The following COXFA4 variants were observed in gnomAD, a reference collection of about 807,000 sequenced individuals.
The protein encoded by COXFA4 is cytochrome c oxidase subunit FA4.
the COXFA4 span, chr7:10,933,817 T>C: frequency 1.4e-6 from 1 of 695,644 alleles, no homozygotes; most frequent in Non-Finnish European, 2.4e-6. Context: ...TAAAAGAATA[T>C]TTAACAACAT....
the COXFA4 span, chr7:10,938,099 A>T: frequency 6.2e-7 from 1 of 1,613,090 alleles, no homozygotes; most frequent in Non-Finnish European, 8.5e-7. Context: ...CCTTGTATTG[A>T]TCATTGGGAC....
chr7:10,938,943 A>G, the COXFA4 span: 2 of 1,410,264 alleles, frequency 1.4e-6, no homozygotes, highest in Non-Finnish European at 2.0e-6. Context: ...TACTTAAAAC[A>G]CTGGCCAACG....
the COXFA4 span, among the ~76,000 whole-genome samples, chr7:10,937,048 CAAA>C: frequency 4.0e-5 from 6 of 151,788 alleles, no homozygotes; most frequent in African/African-American, 7.3e-5. Flanking sequence ...ACAACAACAA[CAAA>C]AAAACGTTGC....
At chr7:10,938,730 G>T in the COXFA4 span, 1 of 989,872 alleles carries the variant, frequency 1.0e-6, no homozygotes, top group Non-Finnish European at 1.6e-6. Context: ...CTACCCTAAT[G>T]TTATCGCCCT....
chr7:10,937,920 ATATT>A, the COXFA4 span: 2 of 614,748 alleles, frequency 3.3e-6, no homozygotes, highest in Non-Finnish European at 2.9e-6. Flanking sequence ...CTAGCAAAAA[ATATT>A]TATTAGAGCA....
the COXFA4 span, chr7:10,938,672 T>C: frequency 2.6e-3 from 1,727 of 677,080 alleles, 7 homozygotes; most frequent in Non-Finnish European, 3.7e-3. Flanking sequence ...AAACAGCAGA[T>C]TTGAGATCTG....
the COXFA4 span, among the ~76,000 whole-genome samples, chr7:10,934,549 A>G: frequency 3.0e-3 from 456 of 152,284 alleles, 3 homozygotes; most frequent in African/African-American, 0.01. Context: ...AGGTTGTGCT[A>G]TAATTACTTG....
At chr7:10,937,106 T>G in the COXFA4 span, among the ~76,000 whole-genome samples, 1 of 152,258 alleles carries the variant, frequency 6.6e-6, no homozygotes, top group South Asian at 2.1e-4. Flanking sequence ...CAAGCAGTGC[T>G]GGACACACAC....
At chr7:10,938,027 A>ACC in the COXFA4 span, 1 of 1,404,518 alleles carries the variant, frequency 7.1e-7, no homozygotes, top group Non-Finnish European at 1.0e-6. Context: ...AAGAAAACCC[A>ACC]CCCCATGACA....
chr7:10,937,454 T>G, the COXFA4 span, among the ~76,000 whole-genome samples: 1 of 152,042 alleles, frequency 6.6e-6, no homozygotes, highest in Non-Finnish European at 1.5e-5. Flanking sequence ...AGCTAATTTT[T>G]GTATTTTTAG....
At chr7:10,940,043 G>C in the COXFA4 span, 2 of 1,613,844 alleles carry the variant, frequency 1.2e-6, no homozygotes, top group Non-Finnish European at 1.7e-6. Context: ...CCTGACCGAT[G>C]ATCTGGCGGA....
the COXFA4 span, chr7:10,939,806 C>T: frequency 1.7e-4 from 113 of 674,780 alleles, 1 homozygote; most frequent in East Asian, 2.9e-3. Context: ...TGTCCGTCTC[C>T]TTCCTCCTGT....
At chr7:10,934,605 TA>T in the COXFA4 span, among the ~76,000 whole-genome samples, 4 of 152,152 alleles carry the variant, frequency 2.6e-5, no homozygotes, top group Admixed American at 2.0e-4. Context: ...TTCAGAATGA[TA>T]AACATTTTCT....
the COXFA4 span, chr7:10,933,248 T>C: frequency 5.7e-6 from 1 of 174,456 alleles, no homozygotes; most frequent in East Asian, 1.6e-4. Context: ...CTTCCCAATT[T>C]ACTTTTGTAT....
chr7:10,938,964 G>T, the COXFA4 span: 2 of 1,196,310 alleles, frequency 1.7e-6, no homozygotes, highest in Non-Finnish European at 2.5e-6. Context: ...AGAGATTACA[G>T]TAGTTTCTGC....
the COXFA4 span, among the ~76,000 whole-genome samples, chr7:10,934,181 G>C: frequency 6.6e-6 from 1 of 151,970 alleles, no homozygotes; most frequent in Admixed American, 6.6e-5. Flanking sequence ...GCTTTGTTTT[G>C]TGGTTTACAT....
the COXFA4 span, among the ~76,000 whole-genome samples, chr7:10,935,803 T>C: frequency 6.6e-6 from 1 of 152,180 alleles, no homozygotes; most frequent in Admixed American, 6.6e-5. Context: ...CAGCCCAAAT[T>C]AACACATTCA....
chr7:10,937,214 T>C, the COXFA4 span, among the ~76,000 whole-genome samples: 1 of 151,982 alleles, frequency 6.6e-6, no homozygotes, highest in Non-Finnish European at 1.5e-5. Flanking sequence ...TTGAGTGAGT[T>C]ATAAACTTTA....
the COXFA4 span, among the ~76,000 whole-genome samples, chr7:10,937,601 T>A: frequency 6.6e-6 from 1 of 152,154 alleles, no homozygotes; most frequent in African/African-American, 2.4e-5. Flanking sequence ...GTTTTGATGC[T>A]GTGCAGGGTC....
Sources: gnomAD v4.1 joint callset for allele counts (sites outside exome capture counted in the v4.1 genomes callset) on GRCh38, gnomAD v4.1.1 for gene constraint, MANE v1.5 for transcripts, NCBI Gene and HGNC (gene_info 2026-07-23, HGNC 2026-07-21) for gene names.